The following MAP2 variants were observed in gnomAD, a reference collection of about 807,000 sequenced individuals.
MAP2 encodes microtubule-associated protein 2.
In MAP2, 14 loss-of-function variants were observed where a neutral mutation model predicts 137.6. The observed-to-expected ratio is 0.10, with a 90% confidence interval of 0.07 to 0.16. MAP2 has a LOEUF of 0.16. MAP2 is among the 10% of genes least tolerant of loss of function. MAP2 has a pLI of 1.00. For missense variants in MAP2, 2,088 were observed against 2,191.5 expected, an observed-to-expected ratio of 0.95 and a Z score of 0.94; for synonymous variants, 786 against 782.3, an observed-to-expected ratio of 1.00 and a Z score of -0.08.
At chr2:209,432,743 A>G (rs1694654167) in intron 1 of MAP2, among the ~76,000 whole-genome samples, 2 of 152,160 alleles carry the variant, frequency 1.3e-5, no homozygotes, top group African/African-American at 2.4e-5. Flanking sequence ...TACATTGATG[A>G]AAAATGGGTT....
intron 1 of MAP2, among the ~76,000 whole-genome samples, chr2:209,439,185 A>G (rs143273584): frequency 2.3e-4 from 35 of 150,884 alleles, no homozygotes; most frequent in Admixed American, 3.3e-4. Context: ...ATTGCTTTGT[A>G]TAACTCCAGT....
chr2:209,539,789 G>C lies in MAP2; in HGVS notation c.-172+32148G>C, dbSNP rs368080907. Among the ~76,000 whole-genome samples the C allele has an allele frequency of 1.7e-4, 26 of 151,674 alleles. No individual in the cohort carries two copies. The East Asian group carries it at 3.5e-3, about 20-fold the overall frequency. ...TCATGTAAGACTCATTTGTTTTTTG[G>C]CTCAAACCACATAAAAGTCACTTTC... On this transcript the variant is annotated intron_variant, in intron 2 of 15. Coordinates refer to ENST00000682079, the MANE Select transcript of MAP2 (RefSeq NM_001375505.1).
chr2:209,684,750 G>C (rs6709925), intron 7 of MAP2: 1 of 151,930 alleles, frequency 6.6e-6, no homozygotes, highest in Non-Finnish European at 1.5e-5. Context: ...AGCATAACAC[G>C]TGATTAAATG....
At chr2:209,630,516 C>G (rs2092888283) in intron 4 of MAP2, among the ~76,000 whole-genome samples, 2 of 152,008 alleles carry the variant, frequency 1.3e-5, no homozygotes, top group African/African-American at 4.8e-5. Context: ...TATATAGTTG[C>G]CAGGATCCTA....
At chr2:209,670,706 T>C (rs2048447631) in intron 5 of MAP2, among the ~76,000 whole-genome samples, 2 of 151,940 alleles carry the variant, frequency 1.3e-5, no homozygotes, top group Admixed American at 6.6e-5. Context: ...AATTCTCCTA[T>C]GATTATACAC....
chr2:209,679,287 G>A (rs1194529081), intron 6 of MAP2, among the ~76,000 whole-genome samples: 1 of 151,766 alleles, frequency 6.6e-6, no homozygotes, highest in Non-Finnish European at 1.5e-5. Flanking sequence ...CTTGCCAAAG[G>A]AAACACTCTC....
chr2:209,729,127 G>A (rs1292555255), intron 14 of MAP2, among the ~76,000 whole-genome samples: 2 of 152,182 alleles, frequency 1.3e-5, no homozygotes, highest in South Asian at 2.1e-4. Flanking sequence ...GTTATAATCA[G>A]CAGATCAGAG....
intron 1 of MAP2, among the ~76,000 whole-genome samples, chr2:209,438,777 C>T (rs1382987400): frequency 6.6e-6 from 1 of 151,414 alleles, no homozygotes; most frequent in Non-Finnish European, 1.5e-5. Flanking sequence ...GAAAAGTAAC[C>T]TTACGATGAC....
At chr2:209,614,966 G>T (rs1455614921) in intron 3 of MAP2, among the ~76,000 whole-genome samples, 1 of 152,158 alleles carries the variant, frequency 6.6e-6, no homozygotes, top group Non-Finnish European at 1.5e-5. Context: ...AAGTAGATTT[G>T]TCAGAATTTC....
chr2:209,710,661 A>T (rs1289980205), intron 13 of MAP2: 1 of 163,020 alleles, frequency 6.1e-6, no homozygotes, highest in African/African-American at 2.4e-5. Context: ...TTTCTTCCCC[A>T]AGGATTTCCT....
At chr2:209,704,259 T>C (rs1452309508) in intron 11 of MAP2, among the ~76,000 whole-genome samples, 1 of 152,146 alleles carries the variant, frequency 6.6e-6, no homozygotes, top group Non-Finnish European at 1.5e-5. Flanking sequence ...TTAAGTTAGT[T>C]TTGGCTAAAA....
chr2:209,712,387 C>A (rs2153775438), intron 13 of MAP2, among the ~76,000 whole-genome samples: 1 of 152,166 alleles, frequency 6.6e-6, no homozygotes, highest in Admixed American at 6.5e-5. Flanking sequence ...TTCAAAATCA[C>A]AGTGTCATTT....
intron 3 of MAP2, among the ~76,000 whole-genome samples, chr2:209,604,391 A>G (rs1016104957): frequency 1.3e-5 from 2 of 152,138 alleles, no homozygotes; most frequent in African/African-American, 4.8e-5. Context: ...ACAGTGCCCT[A>G]TCTGCATAAT....
At chr2:209,551,615 A>C (rs948022621) in intron 2 of MAP2, among the ~76,000 whole-genome samples, 1 of 152,126 alleles carries the variant, frequency 6.6e-6, no homozygotes, top group Non-Finnish European at 1.5e-5. Flanking sequence ...TTGGTTTTTC[A>C]GTTTAAGTAA....
At chr2:209,525,929 G>C (rs1343187006) in intron 2 of MAP2, among the ~76,000 whole-genome samples, 5 of 151,880 alleles carry the variant, frequency 3.3e-5, no homozygotes, top group Non-Finnish European at 7.4e-5. Flanking sequence ...GTGGTTGCTG[G>C]TTTCTAGCCA....
At chr2:209,618,540 C>G (rs1325018786) in intron 3 of MAP2, among the ~76,000 whole-genome samples, 1 of 152,124 alleles carries the variant, frequency 6.6e-6, no homozygotes, top group Non-Finnish European at 1.5e-5. Context: ...TTTTCTCCTA[C>G]CACATGAACC....
intron 7 of MAP2, among the ~76,000 whole-genome samples, chr2:209,687,951 C>G (rs1270974348): frequency 6.6e-6 from 1 of 152,126 alleles, no homozygotes; most frequent in East Asian, 1.9e-4. Context: ...CCCACTTAGG[C>G]CAGGAGAAAG....
chr2:209,480,811 G>C (rs1708551658), intron 1 of MAP2, among the ~76,000 whole-genome samples: 1 of 152,128 alleles, frequency 6.6e-6, no homozygotes, highest in Non-Finnish European at 1.5e-5. Context: ...GCAGGAACCA[G>C]GTTTACCATT....
intron 2 of MAP2, among the ~76,000 whole-genome samples, chr2:209,530,126 C>A (rs953999975): frequency 1.3e-5 from 2 of 152,080 alleles, no homozygotes; most frequent in Non-Finnish European, 2.9e-5. Context: ...CATGCAACTT[C>A]CATTTTGTTT....
Sources: gnomAD v4.1 joint callset for allele counts (sites outside exome capture counted in the v4.1 genomes callset) on GRCh38, gnomAD v4.1.1 for gene constraint, MANE v1.5 for transcripts, NCBI Gene and HGNC (gene_info 2026-07-23, HGNC 2026-07-21) for gene names.